Variants in EMID1 observed in about 807,000 individuals in gnomAD.
EMID1 encodes the protein EMI domain containing 1.
A neutral mutation model predicts 60.6 loss-of-function variants in EMID1; 40 were observed. The observed-to-expected ratio is 0.66, with a 90% CI of 0.51 to 0.86. The LOEUF (loss-of-function observed/expected upper bound fraction) is 0.86. Among genes scored for constraint, EMID1 ranks in the 40% least tolerant of loss-of-function variants. The pLI is 0.00. For synonymous variants in EMID1, 242 were observed against 231.0 expected (o/e 1.05, Z -0.43); for missense variants, 585 against 597.1 (o/e 0.98, Z 0.21).
At chr22:29,215,354 G>A (rs572333652) in intron 2 of EMID1, 173 bp from the exon 3 acceptor site, 2 of 912,070 alleles carry the variant, frequency 2.2e-6, no homozygotes, top group South Asian at 5.0e-5. Context: ...CCTGTGGCAA[G>A]GTGGTGGGGG....
chr22:29,241,013 C>T (rs2041135258), intron 12 of EMID1, among the ~76,000 whole-genome samples: 1 of 152,160 alleles, frequency 6.6e-6, no homozygotes, highest in African/African-American at 2.4e-5. Flanking sequence ...CCTCTCCTTG[C>T]TGGAAGGACA....
At position 29,232,359 on chromosome 22, in the gene EMID1, C is replaced by G; in HGVS notation, c.780C>G (p.Pro260=). The change falls in exon 8 of 15, where the codon CCC becomes CCG. Residue 260 remains proline, a synonymous_variant. Transcript: ENST00000334018. The part of the protein sequence containing the change: ...GPPGPPGPPG[P]PAPVGPPHAR... The stretch of plus-strand genomic sequence containing the variant: ...CAGGGCCTCCTGGCCCCCCTGGGCC[C>G]CCAGCCCCTGTTGGGCCACCCCATG... 6.2e-7 allele frequency: 1 copy of G among 1,604,740 alleles called. No homozygotes were observed. The highest frequency in any genetic ancestry group is 8.5e-7 in the Non-Finnish European group (1 of 1,176,890).
At chr22:29,233,793 C>A in intron 10 of EMID1, 127 bp downstream of exon 10, 2 of 936,464 alleles carry the variant, frequency 2.1e-6, no homozygotes, top group Non-Finnish European at 3.2e-6. Context: ...TCCTTCCATT[C>A]ATTCATTCAA....
chr22:29,219,877 C>T (rs781540637), intron 3 of EMID1, among the ~76,000 whole-genome samples: 13 of 152,126 alleles, frequency 8.5e-5, no homozygotes, highest in Non-Finnish European at 1.6e-4. Context: ...CAGGGCTGGG[C>T]GCTCTCCACA....
At position 29,258,887 on chromosome 22, in the gene EMID1, C is replaced by T. The variant is rs537266340; in HGVS notation, c.1275C>T (p.Gly425=). 94 of 1,613,344 alleles carry T rather than the reference C, an allele frequency of 5.8e-5. 1 individual carries two copies. The South Asian group carries it at 8.2e-4, about 14-fold the overall frequency. ...GTPSLLRGKR[G]GHATNYRIVA... is the part of the protein sequence containing the mutation. ...CCAGCCTCCTTCGGGGCAAGAGGGGCGGACATGCAACCAACTACCGGATCG... is the reference window on the plus strand; with the variant it reads ...CCAGCCTCCTTCGGGGCAAGAGGGGTGGACATGCAACCAACTACCGGATCG... The change falls in exon 15 of 15, where the codon GGC becomes GGT. Residue 425 remains glycine (G), a synonymous_variant. Coordinates refer to ENST00000334018, the MANE Select transcript of EMID1 (RefSeq NM_133455.4).
At position 29,214,921 on chromosome 22, in the gene EMID1, T is replaced by C; in HGVS notation, c.102-5T>C. 6.6e-7 allele frequency: 1 copy of C among 1,519,902 alleles called. No individual in the cohort carries two copies. The highest frequency in any genetic ancestry group is 8.9e-7 in the Non-Finnish European group (1 of 1,124,154). The allele number at this position is 1,519,902 out of a possible 1,614,324, so 94.2% of individuals were successfully genotyped here. On this transcript the variant is annotated splice_region_variant and splice_polypyrimidine_tract_variant and intron_variant, in intron 1 of 14. Transcript: ENST00000334018. Reference sequence around the variant, plus strand: ...CTGAGTTTCCTCTCTTTGGGTCTGTTTCAGGAACTGGTGCTCCTATGTGGT... The same window carrying C: ...CTGAGTTTCCTCTCTTTGGGTCTGTCTCAGGAACTGGTGCTCCTATGTGGT...
chr22:29,257,842 C>T (rs1173421027), intron 14 of EMID1, among the ~76,000 whole-genome samples: 1 of 152,160 alleles, frequency 6.6e-6, no homozygotes, highest in Non-Finnish European at 1.5e-5. Flanking sequence ...AGCCATGATC[C>T]CAGCTGGCAT....
chr22:29,243,154 G>T (rs1429615066), intron 12 of EMID1, among the ~76,000 whole-genome samples: 1 of 152,004 alleles, frequency 6.6e-6, no homozygotes, highest in Non-Finnish European at 1.5e-5. Context: ...CTCTTGTTTT[G>T]CCAGGCTGAT....
chr22:29,225,297 C>A, intron 4 of EMID1, 81 bp downstream of exon 4: 1 of 1,442,100 alleles, frequency 6.9e-7, no homozygotes, highest in Non-Finnish European at 9.6e-7. Flanking sequence ...GGTAACTGTC[C>A]TAAAAGCCAG....
chr22:29,215,378 A>G, intron 2 of EMID1, 149 bp from the exon 3 acceptor site: 1 of 1,286,010 alleles, frequency 7.8e-7, no homozygotes, highest in Non-Finnish European at 1.0e-6. Flanking sequence ...GGAAGGGCTG[A>G]ATCCCAAAAT....
At chr22:29,231,358 G>T in intron 6 of EMID1, 1 of 846,216 alleles carries the variant, frequency 1.2e-6, no homozygotes, top group Non-Finnish European at 1.9e-6. Context: ...AGCAGACCCT[G>T]CCTGGAGGTC....
intron 3 of EMID1, among the ~76,000 whole-genome samples, chr22:29,218,199 C>A (rs2040158288): frequency 6.6e-6 from 1 of 152,254 alleles, no homozygotes; most frequent in Admixed American, 6.5e-5. Context: ...GATTCCGTGG[C>A]GACCTGGCAG....
chr22:29,221,124 T>TGTGTGG (rs2040280672), intron 3 of EMID1, among the ~76,000 whole-genome samples: 1 of 80,698 alleles, frequency 1.2e-5, no homozygotes, highest in African/African-American at 4.4e-5. Flanking sequence ...TGTGTGTGTG[T>TGTGTGG]AGGGCACGTG....
At chr22:29,216,233 G>A in intron 3 of EMID1, 1 of 908,768 alleles carries the variant, frequency 1.1e-6, no homozygotes, top group African/African-American at 1.8e-5. Context: ...GCTCAGGGCT[G>A]AGCACCCTGC....
intron 1 of EMID1, among the ~76,000 whole-genome samples, chr22:29,210,072 G>C (rs1225959198): frequency 1.3e-5 from 2 of 151,906 alleles, no homozygotes; most frequent in East Asian, 1.9e-4. Context: ...GGGGGATGGG[G>C]TAATTATTAG....
rs543617403 is a variant in EMID1, at chr22:29,249,246, C to CT, written c.1120-4949dup. 5.7e-3 allele frequency among the ~76,000 whole-genome samples: 856 copies of CT among 150,766 alleles called. 7 individuals are homozygous for CT. The highest frequency in any genetic ancestry group is 0.017 in the African/African-American group (701 of 41,074). ...CCAGATGGCTTTTCTTTTTTTTTTCCTTTTTTTTGAGATGGAGTCTCTGTC... is the reference window on the plus strand; with the variant it reads ...CCAGATGGCTTTTCTTTTTTTTTTCCTTTTTTTTTGAGATGGAGTCTCTGTC... On this transcript the variant is annotated intron_variant, in intron 13 of 14. Transcript: ENST00000334018.
At chr22:29,225,910 C>T (rs539603695) in intron 4 of EMID1, among the ~76,000 whole-genome samples, 3 of 152,258 alleles carry the variant, frequency 2.0e-5, no homozygotes, top group Admixed American at 1.3e-4. Context: ...GCCGGGGGAG[C>T]GGTGCTGGAT....
rs748172215 is a variant in EMID1, at chr22:29,250,733, A to ATTTTTTTTTTTT, written c.1120-3446_1120-3435dup. 5.4e-3 allele frequency among the ~76,000 whole-genome samples: 121 copies of ATTTTTTTTTTTT among 22,488 alleles called. 30 individuals carry two copies. Among genetic ancestry groups the ATTTTTTTTTTTT allele is most frequent in the Non-Finnish European group, 9.2e-3 (103 of 11,148 alleles). 14.8% of individuals were successfully genotyped at this position (22,488 alleles called of 152,430 possible). On this transcript the variant is annotated intron_variant, in intron 13 of 14. Coordinates refer to ENST00000334018, the MANE Select transcript of EMID1 (RefSeq NM_133455.4). ...AGGCATGCACCACCACACCCGGCTAATTTTTTTTTTTTTTTTTTTTTTTTT... is the reference window on the plus strand; with the variant it reads ...AGGCATGCACCACCACACCCGGCTAATTTTTTTTTTTTTTTTTTTTTTTTTTTTTTTTTTTTT...
intron 1 of EMID1, among the ~76,000 whole-genome samples, chr22:29,211,328 C>A (rs1031350434): frequency 2.6e-5 from 4 of 152,164 alleles, no homozygotes; most frequent in Non-Finnish European, 4.4e-5. Context: ...GCTGGATTTG[C>A]CTTAGCCTGT....
Sources: gnomAD v4.1 joint callset for allele counts (sites outside exome capture counted in the v4.1 genomes callset) on GRCh38, gnomAD v4.1.1 for gene constraint, MANE v1.5 for transcripts, NCBI Gene and HGNC (gene_info 2026-07-23, HGNC 2026-07-21) for gene names.